MUC6: variants seen among roughly 807,000 people sequenced by gnomAD.
MUC6 encodes the protein mucin-6.
Under a neutral mutation model 201.5 loss-of-function variants are expected in MUC6, and 188 were observed. The observed-to-expected ratio is 0.93, with a 90% CI of 0.83 to 1.05. The LOEUF (loss-of-function observed/expected upper bound fraction) is 1.05. Ranked by LOEUF, MUC6 falls within the 50% of genes least tolerant of loss-of-function variation. The pLI is 0.00. For missense variants in MUC6, 2,706 were observed against 3,256.9 expected (o/e 0.83, Z 4.12); for synonymous variants, 1,228 against 1,389.4 (o/e 0.88, Z 2.58).
rs1704334711 is a variant in MUC6, at chr11:1,033,657, A to G, written c.53-582T>C. Among the ~76,000 whole-genome samples, 1 of 151,880 alleles carries G rather than the reference A, an allele frequency of 6.6e-6. No homozygotes were observed. On this transcript the variant is annotated intron_variant, in intron 1 of 32. Coordinates refer to ENST00000421673, the MANE Select transcript of MUC6 (RefSeq NM_005961.3). The surrounding 1 kb of genome is among the most constrained non-coding windows in gnomAD (Gnocchi z 5.6). ...AGAGAAACATCCAGATAGCCCAGTC[A>G]CGGTGACTCCAGGGCAGGGCAGCGG...
chr11:1,032,140 C>A, intron 2 of MUC6, 87 bp from the exon 3 acceptor site: 1 of 1,526,490 alleles, frequency 6.6e-7, no homozygotes, highest in Non-Finnish European at 8.8e-7. Context: ...TCACTCGTCT[C>A]CCTGGGCCAG....
Position 1,033,321 on chromosome 11 carries a change from T to G in MUC6, c.53-246A>C, listed in dbSNP as rs971765929. ...CCCTCGTTTGTCCACTCAGTCCCAG[T>G]TCAGCCGTCAGCCCCTCGGGGTTCG... On this transcript the variant is annotated intron_variant, in intron 1 of 32. Coordinates refer to ENST00000421673, the MANE Select transcript of MUC6 (RefSeq NM_005961.3). This position sits in a 1 kb window ranked among gnomAD's most constrained non-coding sequence, Gnocchi z 5.6. The G allele has an allele frequency of 2.8e-5, 16 of 565,042 alleles. No homozygotes were observed. The highest frequency in any genetic ancestry group is 2.3e-4 in the African/African-American group (12 of 53,284). 35.0% of individuals were successfully genotyped at this position (565,042 alleles called of 1,614,324 possible). A position where few individuals can be genotyped will look rare whatever the true frequency, so the allele number is the denominator to read the frequency against.
At position 1,030,862 on chromosome 11, in the gene MUC6, G is replaced by A. The variant is rs1411777756; in HGVS notation, c.685-82C>T. ...TGGGGAGGTCGGGCAGGGCGTCTGT[G>A]ATGCGGCTGCTTGTGGGGGCCCTTG... On this transcript the variant is annotated intron_variant, in intron 6 of 32. Coordinates refer to ENST00000421673, the MANE Select transcript of MUC6 (RefSeq NM_005961.3). The A allele has an allele frequency of 1.7e-5, 26 of 1,528,114 alleles. No individual in the cohort carries two copies. The East Asian group carries it at 6.1e-4, about 36-fold the overall frequency. 94.7% of individuals were successfully genotyped at this position (1,528,114 alleles called of 1,614,324 possible).
rs1857155876 is a variant in MUC6 at position 1,033,429 on chromosome 11, G to T, written c.53-354C>A. On this transcript the variant is annotated intron_variant, in intron 1 of 32. Transcript: ENST00000421673. This position sits in a 1 kb window ranked among gnomAD's most constrained non-coding sequence, Gnocchi z 5.6. Reference sequence around the variant, plus strand: ...TAGGAGGGGCTGGTGCGGGTGGCAGGGGCTTGGCGGCGGAGCCAACAAAGT... The same window carrying T: ...TAGGAGGGGCTGGTGCGGGTGGCAGTGGCTTGGCGGCGGAGCCAACAAAGT... 6.6e-6 allele frequency among the ~76,000 whole-genome samples: 1 copy of T among 152,124 alleles called. No homozygotes were observed. The highest frequency in any genetic ancestry group is 2.4e-5 in the African/African-American group (1 of 41,432).
chr11:1,027,268 C>T lies in MUC6; in HGVS notation c.2231G>A (p.Cys744Tyr), dbSNP rs1279545315. The change falls in exon 17 of 33, where the codon TGC (cysteine) becomes TAC (tyrosine). Residue 744 changes from cysteine (C) to tyrosine (Y), a missense_variant and splice_region_variant. Around this residue, in one of 10 missense-constraint regions of MUC6, gnomAD observed 1,850 missense variants for 1,958.3 expected, o/e 0.94. Transcript: ENST00000421673. ...GCCTGGCCCCTGCCCGGTCCCTCACCAGGTGATGCCGTTGATGACAGTGGA... is the reference window on the plus strand; with the variant it reads ...GCCTGGCCCCTGCCCGGTCCCTCACTAGGTGATGCCGTTGATGACAGTGGA... ...EQSTVINGIT[C>Y]HCINGRLSCP... 1 of 1,612,418 alleles carries T rather than the reference C, an allele frequency of 6.2e-7. No homozygotes were observed. Among genetic ancestry groups the T allele is most frequent in the Non-Finnish European group, 8.5e-7 (1 of 1,179,836 alleles).
At chr11:1,019,660 ACTC>A (rs1314812567) in intron 29 of MUC6, among the ~76,000 whole-genome samples, 164 bp from the exon 30 acceptor site, 1 of 151,424 alleles carries the variant, frequency 6.6e-6, no homozygotes, top group Admixed American at 6.6e-5. Context: ...CTCCCACCGT[ACTC>A]CTGGCTGTGG....
At chr11:1,034,755 C>T (rs67927955) in intron 1 of MUC6, among the ~76,000 whole-genome samples, 12,585 of 152,258 alleles carry the variant, frequency 0.083, 566 homozygotes, top group Middle Eastern at 0.16. Flanking sequence ...ACAGACACCT[C>T]GGGCCTGTGT....
rs770845914 is a variant in MUC6 at position 1,025,983 on chromosome 11, T to C, written c.2688+17A>G. The C allele has an allele frequency of 2.5e-6, 4 of 1,587,290 alleles. No individual in the cohort carries two copies. The highest frequency in any genetic ancestry group is 3.4e-6 in the Non-Finnish European group (4 of 1,167,258). On this transcript the variant is annotated intron_variant, in intron 21 of 32. Transcript: ENST00000421673. The stretch of plus-strand genomic sequence containing the variant: ...CTCTGGGTCCCCGGCCCCTGCGGCC[T>C]GGCACCCGATGGTTACCGTGGCCAG...
intron 5 of MUC6, 39 bp from the exon 6 acceptor site, chr11:1,031,095 G>A: frequency 6.5e-7 from 1 of 1,537,804 alleles, no homozygotes; most frequent in Non-Finnish European, 8.8e-7. Context: ...TGGGGGCTGG[G>A]CCTCAGAGGC....
At chr11:1,024,806 G>A (rs757536322) in intron 24 of MUC6, 38 bp downstream of exon 24, 7 of 1,591,960 alleles carry the variant, frequency 4.4e-6, no homozygotes, top group Non-Finnish European at 6.0e-6. Context: ...GGACATTTGT[G>A]GAGGGGCAGG....
Position 1,018,512 on chromosome 11 carries a change from G to A in MUC6, c.4289C>T (p.Thr1430Ile). ...GTGTGATGGGGTTGGATAGGTAGTGGTGGCATGGAAAGATGTTGCAGTGAC... is the reference window on the plus strand; with the variant it reads ...GTGTGATGGGGTTGGATAGGTAGTGATGGCATGGAAAGATGTTGCAGTGAC... ...GPVTATSFHATTTYPTPSHPE... is the reference protein window; with the variant it reads ...GPVTATSFHAITTYPTPSHPE... Residue 1430 changes from threonine to isoleucine, a missense_variant, in exon 31 of 33, where the codon ACC becomes ATC. Physicochemically the swap from Thr to Ile is moderately conservative, Grantham distance 89. Transcript: ENST00000421673. 6 of 1,613,888 alleles carry A rather than the reference G, an allele frequency of 3.7e-6. No homozygotes were observed. The highest frequency in any genetic ancestry group is 5.1e-6 in the Non-Finnish European group (6 of 1,179,786).
In MUC6 at chr11:1,031,972, G is replaced by A. The variant is rs372014357; in HGVS notation, c.197C>T (p.Thr66Met). 53 of 1,613,530 alleles carry A rather than the reference G, an allele frequency of 3.3e-5. No individual in the cohort carries two copies. The highest frequency in any genetic ancestry group is 4.0e-5 in the African/African-American group (3 of 74,932). The change falls in exon 3 of 33, where the codon ACG becomes ATG. Residue 66 changes from threonine to methionine, a missense_variant. Transcript: ENST00000421673. The part of the protein sequence containing the change: ...FDHHVYDFSG[T>M]CNYIFAATCK... The stretch of plus-strand genomic sequence containing the variant: ...GGTGGCCGCGAAGATGTAGTTGCAC[G>A]TCCCCGAGAAGTCGTACACGTGGTG...
intron 29 of MUC6, 149 bp downstream of exon 29, chr11:1,019,941 G>T: frequency 9.2e-7 from 1 of 1,084,494 alleles, no homozygotes; most frequent in Non-Finnish European, 1.4e-6. Flanking sequence ...TCCCCAGTTT[G>T]GCTCCCAAGC....
intron 31 of MUC6, among the ~76,000 whole-genome samples, 158 bp downstream of exon 31, chr11:1,015,604 G>A (rs1856584177): frequency 6.6e-6 from 1 of 152,138 alleles, no homozygotes; most frequent in Admixed American, 6.5e-5. Context: ...GCCCAGGAGA[G>A]GAGAGTGGAA....
chr11:1,035,626 G>GCTCAGAGACCCCCACCTCTCCCAC (rs1857199231), intron 1 of MUC6, among the ~76,000 whole-genome samples: 1 of 146,098 alleles, frequency 6.8e-6, no homozygotes, highest in African/African-American at 2.8e-5. Flanking sequence ...TGGTGGGGAA[G>GCTCAGAGACCCCCACCTCTCCCAC]GGGCTTCAAA....
intron 1 of MUC6, 143 bp downstream of exon 1, chr11:1,036,461 G>A: frequency 2.1e-6 from 2 of 961,634 alleles, no homozygotes; most frequent in South Asian, 3.5e-5. Flanking sequence ...GCGGGGGCTG[G>A]TCACGGAGCC....
Position 1,027,005 on chromosome 11 carries a change from G to A in MUC6, c.2330C>T (p.Ser777Phe). 6.2e-7 allele frequency: 1 copy of A among 1,603,356 alleles called. No individual in the cohort carries two copies. Among genetic ancestry groups the A allele is most frequent in the Non-Finnish European group, 8.5e-7 (1 of 1,175,712 alleles). Residue 777 changes from serine to phenylalanine, a missense_variant, in exon 19 of 33, where the codon TCC becomes TTC. Transcript: ENST00000421673. ...PKTFKSCSQS[S>F]ENKFGAACAP... ...ACAGGCTGCCCCAAACTTGTTCTCG[G>A]AGGACTGGCTGCAGGACTTGAAGGT...
At chr11:1,021,675 C>G (rs777505971) in intron 26 of MUC6, among the ~76,000 whole-genome samples, 3 of 151,972 alleles carry the variant, frequency 2.0e-5, no homozygotes, top group Non-Finnish European at 4.4e-5. Flanking sequence ...TGCTCTAAGC[C>G]CCTCCTTTCC....
chr11:1,020,439 G>A (rs1184073065), intron 28 of MUC6, among the ~76,000 whole-genome samples, 182 bp from the exon 29 acceptor site: 1 of 152,144 alleles, frequency 6.6e-6, no homozygotes, highest in East Asian at 1.9e-4. Context: ...CCTGCATGGC[G>A]GGGGTCACCT....
Sources: allele counts gnomAD v4.1 joint callset (sites outside exome capture counted in the v4.1 genomes callset), GRCh38; gene constraint gnomAD v4.1.1; regional missense constraint gnomAD v4.1.1; non-coding constraint Gnocchi (gnomAD v3.1); transcripts MANE v1.5; gene names NCBI Gene and HGNC (gene_info 2026-07-23, HGNC 2026-07-21).